The following PLCL1 variants were observed in gnomAD, a reference collection of about 807,000 sequenced individuals.
PLCL1 encodes inactive phospholipase C-like protein 1.
Under a neutral mutation model 84.4 loss-of-function variants are expected in PLCL1, and 41 were observed. The observed-to-expected ratio is 0.49, with a 90% CI of 0.38 to 0.63. The LOEUF (loss-of-function observed/expected upper bound fraction) is 0.63. Among genes scored for constraint, PLCL1 ranks in the 30% least tolerant of loss-of-function variants. PLCL1 has a pLI of 0.00. For synonymous variants in PLCL1, 490 were observed against 488.3 expected, an observed-to-expected ratio of 1.00 and a Z score of -0.05; for missense variants, 1,206 against 1,367.8, an observed-to-expected ratio of 0.88 and a Z score of 1.87.
chr2:197,903,078 G>A (rs1258701307), intron 1 of PLCL1, among the ~76,000 whole-genome samples: 2 of 152,170 alleles, frequency 1.3e-5, no homozygotes, highest in African/African-American at 4.8e-5. Flanking sequence ...GTGTTAGCGT[G>A]TTTTGATACT....
intron 1 of PLCL1, among the ~76,000 whole-genome samples, chr2:197,872,161 C>G (rs555789522): frequency 5.9e-5 from 9 of 152,240 alleles, no homozygotes; most frequent in East Asian, 1.9e-4. Flanking sequence ...TTTTCTCCCC[C>G]CTGGCCTAAT....
intron 1 of PLCL1, among the ~76,000 whole-genome samples, chr2:197,874,741 G>A (rs573615951): frequency 6.6e-6 from 1 of 152,148 alleles, no homozygotes; most frequent in Non-Finnish European, 1.5e-5. Flanking sequence ...GGTACACTAA[G>A]GTTTCTTATG....
chr2:197,946,449 A>G (rs917218895), intron 1 of PLCL1, among the ~76,000 whole-genome samples: 2 of 152,246 alleles, frequency 1.3e-5, no homozygotes, highest in Admixed American at 1.3e-4. Flanking sequence ...TTACAGAAAA[A>G]GAAGTGAAAA....
intron 1 of PLCL1, among the ~76,000 whole-genome samples, chr2:198,026,590 A>G (rs1691270701): frequency 6.6e-6 from 1 of 152,196 alleles, no homozygotes; most frequent in African/African-American, 2.4e-5. Context: ...AAGAAAAAGT[A>G]TGGAAAGGGT....
At chr2:197,901,000 T>C (rs535309496) in intron 1 of PLCL1, among the ~76,000 whole-genome samples, 1 of 152,192 alleles carries the variant, frequency 6.6e-6, no homozygotes, top group African/African-American at 2.4e-5. Flanking sequence ...GAAAAAAATC[T>C]CTAAACTAGG....
intron 1 of PLCL1, among the ~76,000 whole-genome samples, chr2:197,844,054 T>C (rs1687069985): frequency 6.6e-6 from 1 of 152,188 alleles, no homozygotes; most frequent in African/African-American, 2.4e-5. Flanking sequence ...GTACACATTT[T>C]CTGTAAAGTA....
intron 1 of PLCL1, among the ~76,000 whole-genome samples, chr2:197,874,909 ATGAG>A (rs1359383991): frequency 1.3e-5 from 2 of 152,286 alleles, no homozygotes; most frequent in East Asian, 3.9e-4. Context: ...AGTGATGAAA[ATGAG>A]TGAACTATAG....
intron 1 of PLCL1, among the ~76,000 whole-genome samples, chr2:197,840,214 T>C (rs1450435889): frequency 6.6e-6 from 1 of 152,212 alleles, no homozygotes; most frequent in Non-Finnish European, 1.5e-5. Flanking sequence ...GCTTGAAGCT[T>C]TGAGATGAAT....
chr2:198,132,429 T>C (rs1009622264), intron 5 of PLCL1, among the ~76,000 whole-genome samples: 2 of 152,158 alleles, frequency 1.3e-5, no homozygotes, highest in Non-Finnish European at 2.9e-5. Context: ...GGTGATAGTT[T>C]AAAGTTTCTT....
chr2:198,144,126 G>A (rs962957509), intron 5 of PLCL1, among the ~76,000 whole-genome samples: 1 of 152,168 alleles, frequency 6.6e-6, no homozygotes, highest in African/African-American at 2.4e-5. Flanking sequence ...TATGTTTCAT[G>A]CCATGCTGTG....
chr2:198,127,542 G>C (rs1694017766), intron 5 of PLCL1, among the ~76,000 whole-genome samples: 1 of 152,132 alleles, frequency 6.6e-6, no homozygotes. Context: ...GAAGAGGCAT[G>C]ACAGTTTCAG....
chr2:197,869,792 C>A (rs1194823938), intron 1 of PLCL1, among the ~76,000 whole-genome samples: 1 of 152,128 alleles, frequency 6.6e-6, no homozygotes, highest in East Asian at 1.9e-4. Flanking sequence ...TTTTATCTGT[C>A]ATGTAAAAAC....
At chr2:198,036,583 T>C (rs573631644) in intron 1 of PLCL1, among the ~76,000 whole-genome samples, 3 of 152,316 alleles carry the variant, frequency 2.0e-5, no homozygotes, top group Non-Finnish European at 4.4e-5. Flanking sequence ...GATGGACATA[T>C]AATTTCATCT....
intron 1 of PLCL1, among the ~76,000 whole-genome samples, chr2:197,917,480 G>C (rs1688618877): frequency 6.6e-6 from 1 of 152,176 alleles, no homozygotes; most frequent in Non-Finnish European, 1.5e-5. Context: ...AAGCAGGGTT[G>C]AGTAGGTGAA....
intron 1 of PLCL1, among the ~76,000 whole-genome samples, chr2:197,947,320 T>C (rs1019977366): frequency 6.6e-6 from 1 of 151,294 alleles, no homozygotes; most frequent in Non-Finnish European, 1.5e-5. Context: ...ACATCAGAGT[T>C]ACTAGCAGGA....
At chr2:198,057,985 T>G (rs771264709) in intron 1 of PLCL1, among the ~76,000 whole-genome samples, 1 of 152,134 alleles carries the variant, frequency 6.6e-6, no homozygotes, top group Admixed American at 6.6e-5. Context: ...AATAGAAATA[T>G]CCATCAAAGA....
intron 1 of PLCL1, among the ~76,000 whole-genome samples, chr2:197,901,497 C>A (rs572642329): frequency 6.6e-6 from 1 of 152,192 alleles, no homozygotes; most frequent in East Asian, 1.9e-4. Flanking sequence ...AGTAGGATGA[C>A]AATATATCAT....
chr2:197,807,665 G>T (rs985600176), intron 1 of PLCL1, among the ~76,000 whole-genome samples: 1 of 152,166 alleles, frequency 6.6e-6, no homozygotes, highest in Non-Finnish European at 1.5e-5. Context: ...GAGAGAAAAT[G>T]CATTTTTCAC....
intron 1 of PLCL1, among the ~76,000 whole-genome samples, chr2:198,058,440 A>G (rs2105875064): frequency 6.6e-6 from 1 of 152,212 alleles, no homozygotes; most frequent in Non-Finnish European, 1.5e-5. Context: ...ATTAAATTAT[A>G]GTCAAATCAT....
Sources: allele counts gnomAD v4.1 joint callset (sites outside exome capture counted in the v4.1 genomes callset), GRCh38; gene constraint gnomAD v4.1.1; transcripts MANE v1.5; gene names NCBI Gene and HGNC (gene_info 2026-07-23, HGNC 2026-07-21).